The following KNG1 variants were observed in gnomAD, a reference collection of about 807,000 sequenced individuals.
KNG1 encodes kininogen-1.
Under a neutral mutation model 47.8 loss-of-function variants are expected in KNG1, and 23 were observed. The observed-to-expected ratio is 0.48, with a 90% confidence interval of 0.35 to 0.68. The LOEUF (loss-of-function observed/expected upper bound fraction) is 0.68. Among genes scored for constraint, KNG1 ranks in the 30% least tolerant of loss-of-function variants. The pLI is 0.01. For missense variants in KNG1, 762 were observed against 790.2 expected (o/e 0.96, Z 0.43); for synonymous variants, 277 against 277.0 (o/e 1.00, Z 0.00).
chr3:186,731,709 G>C lies in KNG1; in HGVS notation c.757+80G>C, dbSNP rs1040195337. On this transcript the variant is annotated intron_variant, in intron 6 of 9. Transcript: ENST00000644859. Reference sequence around the variant, plus strand: ...TGGCTGAGTCTTTTCCTATAAGTTGGGTTTTGGTTCCCGTGATATACTCCA... The same window carrying C: ...TGGCTGAGTCTTTTCCTATAAGTTGCGTTTTGGTTCCCGTGATATACTCCA... 3.2e-6 allele frequency: 3 copies of C among 930,166 alleles called. No homozygotes were observed. The African/African-American group carries it at 4.9e-5, about 15-fold the overall frequency. The allele number at this position is 930,166 out of a possible 1,614,324, so 57.6% of individuals were successfully genotyped here. A position where few individuals can be genotyped will look rare whatever the true frequency, so the allele number is the denominator to read the frequency against.
chr3:186,727,238 T>C lies in KNG1; in HGVS notation c.566T>C (p.Val189Ala). The change falls in exon 5 of 10, where the codon GTG (valine) becomes GCG (alanine). Residue 189 changes from valine to alanine, a missense_variant and splice_region_variant. Val to Ala is a moderately conservative substitution (Grantham distance 64, BLOSUM62 0). Coordinates refer to ENST00000644859, the MANE Select transcript of KNG1 (RefSeq NM_001102416.3). Reference protein sequence around the residue: ...LNEVKRAQRQVVAGLNFRITY... With the variant: ...LNEVKRAQRQAVAGLNFRITY... ...ATATTCAATCTGAAATTGTTTCAGG[T>C]GGTGGCTGGATTGAACTTTCGAATT... is the stretch of plus-strand genomic sequence containing the variant. 6.2e-7 allele frequency: 1 copy of C among 1,602,298 alleles called. No individual in the cohort carries two copies. The highest frequency in any genetic ancestry group is 8.6e-7 in the Non-Finnish European group (1 of 1,169,172).
chr3:186,725,543 A>ATTTTTTTTTTTTTTTTTT (rs71167003), intron 4 of KNG1, among the ~76,000 whole-genome samples: 948 of 87,602 alleles, frequency 0.011, 190 homozygotes, highest in African/African-American at 0.013. Flanking sequence ...CGGCCTTAGG[A>ATTTTTTTTTTTTTTTTTT]TTTTTTTTTT....
Position 186,732,672 on chromosome 3 carries a change from C to T in KNG1, c.928C>T (p.Gln310Ter). The T allele has an allele frequency of 6.2e-7, 1 of 1,611,472 alleles. No homozygotes were observed. Among genetic ancestry groups the T allele is most frequent in the South Asian group, 1.1e-5 (1 of 91,026 alleles). ...KIDNVKKARV[Q>*]VVAGKKYFID... Reference sequence around the variant, plus strand: ...TGACAATGTGAAAAAAGCAAGAGTACAGGTGTGTAAACTATACTACAAAAG... The same window carrying T: ...TGACAATGTGAAAAAAGCAAGAGTATAGGTGTGTAAACTATACTACAAAAG... Residue 310 changes from glutamine to a stop codon, truncating the protein, a stop_gained and splice_region_variant, in exon 7 of 10, where the codon CAG (glutamine) becomes TAG (stop). Coordinates refer to ENST00000644859, the MANE Select transcript of KNG1 (RefSeq NM_001102416.3). LOFTEE classifies it high-confidence loss of function.
intron 2 of KNG1, chr3:186,720,750 T>C (rs1333780047): frequency 6.4e-6 from 1 of 157,102 alleles, no homozygotes; most frequent in African/African-American, 2.5e-5. Flanking sequence ...GCCTAACATA[T>C]AGGCCTGGCA....
intron 2 of KNG1, chr3:186,721,206 T>A (rs1012298799): frequency 1.3e-5 from 2 of 152,196 alleles, no homozygotes; most frequent in Non-Finnish European, 2.9e-5. Context: ...TGACTGCCAG[T>A]CATCTGCCAT....
At position 186,725,117 on chromosome 3, in the gene KNG1, G is replaced by A. The variant is rs1579116763; in HGVS notation, c.421G>A (p.Asp141Asn). Residue 141 changes from aspartate to asparagine, a missense_variant, in exon 4 of 10, where the codon GAC (aspartate) becomes AAC (asparagine). Transcript: ENST00000644859. Reference protein sequence around the residue: ...AEGPVVTAQYDCLGCVHPIST... With the variant: ...AEGPVVTAQYNCLGCVHPIST... ...GGGCCCTGTGGTGACAGCCCAGTACGACTGCCTCGGCTGTGTGCATCCTAT... is the reference window on the plus strand; with the variant it reads ...GGGCCCTGTGGTGACAGCCCAGTACAACTGCCTCGGCTGTGTGCATCCTAT... The A allele has an allele frequency of 3.1e-6, 5 of 1,614,020 alleles. No individual in the cohort carries two copies. The highest frequency in any genetic ancestry group is 1.6e-4 in the Middle Eastern group (1 of 6,062).
Position 186,742,224 on chromosome 3 carries a change from A to G in KNG1, c.1828A>G (p.Thr610Ala), listed in dbSNP as rs1367257280. 6.2e-7 allele frequency: 1 copy of G among 1,613,856 alleles called. No homozygotes were observed. The highest frequency in any genetic ancestry group is 2.2e-5 in the East Asian group (1 of 44,878). Residue 610 changes from threonine (T) to alanine (A), a missense_variant, in exon 10 of 10, where the codon ACC (threonine) becomes GCC (alanine). Thr to Ala is a moderately conservative substitution (Grantham distance 58). Coordinates refer to ENST00000644859, the MANE Select transcript of KNG1 (RefSeq NM_001102416.3). ...CCCAATATCAGATTTTCCAGACACG[A>G]CCTCCCCAAAATGTCCTGGACGCCC... ...FNPISDFPDT[T>A]SPKCPGRPWK...
At chr3:186,730,513 G>A (rs552410952) in intron 5 of KNG1, among the ~76,000 whole-genome samples, 150 of 151,326 alleles carry the variant, frequency 9.9e-4, no homozygotes, top group African/African-American at 3.3e-3. Context: ...AAAATTAGCC[G>A]GGTGTGGTGG....
rs1188263698 is a variant in KNG1 at position 186,743,517 on chromosome 3, A to G, written c.*1186A>G. On this transcript the variant is annotated 3_prime_UTR_variant, in exon 10 of 10. Transcript: ENST00000644859. ...ACAATCATCTTTGGATGTATATGTC[A>G]CTGCTGCTTCAAGTTATTGGATGCA... is the stretch of plus-strand genomic sequence containing the variant. 1.6e-6 allele frequency: 1 copy of G among 606,274 alleles called. No homozygotes were observed. Among genetic ancestry groups the G allele is most frequent in the Non-Finnish European group, 2.9e-6 (1 of 339,080 alleles). 37.6% of individuals were successfully genotyped at this position (606,274 alleles called of 1,614,324 possible).
Position 186,741,810 on chromosome 3 carries a change from G to T in KNG1, c.1414G>T (p.Gly472Cys). 6.2e-7 allele frequency: 1 copy of T among 1,613,918 alleles called. No homozygotes were observed. The highest frequency in any genetic ancestry group is 8.5e-7 in the Non-Finnish European group (1 of 1,179,922). Reference protein sequence around the residue: ...GHGHEQQHGLGHGHKFKLDDD... With the variant: ...GHGHEQQHGLCHGHKFKLDDD... ...TGGACACGAACAACAGCATGGTCTT[G>T]GTCATGGACATAAGTTCAAACTTGA... is the stretch of plus-strand genomic sequence containing the variant. Residue 472 changes from glycine to cysteine, a missense_variant, in exon 10 of 10, where the codon GGT (glycine) becomes TGT (cysteine). Physicochemically the swap from Gly to Cys is radical, Grantham distance 159. Transcript: ENST00000644859.
intron 1 of KNG1, 100 bp from the exon 2 acceptor site, chr3:186,720,005 C>G (rs1720140336): frequency 1.3e-6 from 1 of 784,784 alleles, no homozygotes; most frequent in South Asian, 1.4e-5. Flanking sequence ...GCTTTGCTCT[C>G]AAGTCAAAGA....
Position 186,731,525 on chromosome 3 carries a change from A to T in KNG1, c.673-20A>T, listed in dbSNP as rs374791597. On this transcript the variant is annotated intron_variant, in intron 5 of 9. Coordinates refer to ENST00000644859, the MANE Select transcript of KNG1 (RefSeq NM_001102416.3). Reference sequence around the variant, plus strand: ...AAAAAATGTTTTTAACTGAGCACTTATATGCTTTTTAAAAACCAGGATACC... The same window carrying T: ...AAAAAATGTTTTTAACTGAGCACTTTTATGCTTTTTAAAAACCAGGATACC... The T allele has an allele frequency of 3.3e-6, 5 of 1,516,740 alleles. No homozygotes were observed. In the South Asian group the frequency reaches 4.5e-5, roughly 14 times the overall value. The allele number at this position is 1,516,740 out of a possible 1,614,324, so 94.0% of individuals were successfully genotyped here. A position where few individuals can be genotyped will look rare whatever the true frequency, so the allele number is the denominator to read the frequency against.
chr3:186,725,215 T>C lies in KNG1; in HGVS notation c.519T>C (p.His173=), dbSNP rs1180959637. 2.5e-6 allele frequency: 4 copies of C among 1,613,998 alleles called. No homozygotes were observed. The African/African-American group carries it at 5.3e-5, about 22-fold the overall frequency. ...GIQYFNNNTQ[H]SSLFMLNEVK... is the part of the protein sequence containing the mutation. Reference sequence around the variant, plus strand: ...AGTACTTTAACAACAACACTCAACATTCCTCCCTCTTCATGCTTAATGAAG... The same window carrying C: ...AGTACTTTAACAACAACACTCAACACTCCTCCCTCTTCATGCTTAATGAAG... Residue 173 remains histidine, a synonymous_variant, in exon 4 of 10, where the codon CAT becomes CAC. Coordinates refer to ENST00000644859, the MANE Select transcript of KNG1 (RefSeq NM_001102416.3).
At chr3:186,727,929 G>C (rs539352809) in intron 5 of KNG1, among the ~76,000 whole-genome samples, 4 of 152,198 alleles carry the variant, frequency 2.6e-5, no homozygotes, top group South Asian at 4.1e-4. Flanking sequence ...ATGCTTGAAC[G>C]GTCAACTGTA....
rs769197358 is a variant in KNG1 at position 186,722,444 on chromosome 3, G to T, written c.314G>T (p.Gly105Val). 1.1e-5 allele frequency: 18 copies of T among 1,613,010 alleles called. No individual in the cohort carries two copies. Among genetic ancestry groups the T allele is most frequent in the Non-Finnish European group, 1.5e-5 (18 of 1,179,056 alleles). The change falls in exon 3 of 10, where the codon GGA becomes GTA. Residue 105 changes from glycine (G) to valine (V), a missense_variant. Gly to Val is a moderately radical substitution (Grantham distance 109, BLOSUM62 -3). Transcript: ENST00000644859. ...TCTTTCTTTTCTTTTTAGGCCACTG[G>T]AGAATGCACGGCAACCGTGGGGAAG... ...EYKDAAKAAT[G>V]ECTATVGKRS...
chr3:186,725,836 C>T (rs1437916091), intron 4 of KNG1, among the ~76,000 whole-genome samples: 1 of 151,266 alleles, frequency 6.6e-6, no homozygotes, highest in African/African-American at 2.4e-5. Flanking sequence ...GACTTAAACA[C>T]AGCTCCAAAA....
Position 186,725,182 on chromosome 3 carries a change from C to A in KNG1, c.486C>A (p.His162Gln), listed in dbSNP as rs190917693. ...CAGACCTGGAGCCCATTCTGAGACA[C>A]GGCATTCAGTACTTTAACAACAACA... ...QSPDLEPILRHGIQYFNNNTQ... is the reference protein window; with the variant it reads ...QSPDLEPILRQGIQYFNNNTQ... Residue 162 changes from histidine to glutamine, a missense_variant, in exon 4 of 10, where the codon CAC becomes CAA. Coordinates refer to ENST00000644859, the MANE Select transcript of KNG1 (RefSeq NM_001102416.3). The A allele has an allele frequency of 6.2e-7, 1 of 1,614,106 alleles. No individual in the cohort carries two copies. The highest frequency in any genetic ancestry group is 8.5e-7 in the Non-Finnish European group (1 of 1,179,974).
rs1054121819 is a variant in KNG1 at position 186,742,595 on chromosome 3, C to T, written c.*264C>T. On this transcript the variant is annotated 3_prime_UTR_variant, in exon 10 of 10. Coordinates refer to ENST00000644859, the MANE Select transcript of KNG1 (RefSeq NM_001102416.3). Reference sequence around the variant, plus strand: ...ACAGTAAACAGACAAACTAATGTGCCGTATGGCCTGCTGCAATTGGCTTCT... The same window carrying T: ...ACAGTAAACAGACAAACTAATGTGCTGTATGGCCTGCTGCAATTGGCTTCT... 44 of 1,290,870 alleles carry T rather than the reference C, an allele frequency of 3.4e-5. No homozygotes were observed. The highest frequency in any genetic ancestry group is 3.0e-5 in the African/African-American group (2 of 66,926). 80.0% of individuals were successfully genotyped at this position (1,290,870 alleles called of 1,614,324 possible).
Position 186,739,215 on chromosome 3 carries a change from T to C in KNG1, c.1038+9T>C, listed in dbSNP as rs938940289. 1 of 1,602,262 alleles carries C rather than the reference T, an allele frequency of 6.2e-7. No homozygotes were observed. On this transcript the variant is annotated intron_variant, in intron 8 of 9. Coordinates refer to ENST00000644859, the MANE Select transcript of KNG1 (RefSeq NM_001102416.3). ...AGACCAAAAAACTTGGCGTGAGTAG[T>C]CATGCACCTGTCTACTTTTTCACTG...
Sources: allele counts gnomAD v4.1 joint callset (sites outside exome capture counted in the v4.1 genomes callset), GRCh38; gene constraint gnomAD v4.1.1; transcripts MANE v1.5; gene names NCBI Gene and HGNC (gene_info 2026-07-23, HGNC 2026-07-21).